Variants in XKR4 observed in about 807,000 individuals in gnomAD.
XKR4 encodes XK-related protein 4.
A neutral mutation model predicts 53.9 loss-of-function variants in XKR4; 12 were observed. The ratio of observed to expected loss-of-function variants is 0.22; its 90% CI spans 0.14 to 0.36. XKR4 has a LOEUF of 0.36. XKR4 is among the 10% of genes least tolerant of loss of function. XKR4 has a pLI of 1.00. For synonymous variants in XKR4, 354 were observed against 362.4 expected, an observed-to-expected ratio of 0.98 and a Z score of 0.26; for missense variants, 799 against 859.5, an observed-to-expected ratio of 0.93 and a Z score of 0.88.
chr8:55,453,088 A>G (rs1805481220), intron 2 of XKR4: 10 of 564,112 alleles, frequency 1.8e-5, no homozygotes, highest in South Asian at 1.5e-4. Context: ...GGTGGGCTCC[A>G]GGTAAAGGAC....
At chr8:55,139,401 G>A (rs993243887) in intron 1 of XKR4, among the ~76,000 whole-genome samples, 1 of 151,744 alleles carries the variant, frequency 6.6e-6, no homozygotes, top group African/African-American at 2.4e-5. Context: ...GGATGCGGTG[G>A]CGGCAGGCCC....
intron 2 of XKR4, chr8:55,455,203 G>C: frequency 2.2e-6 from 1 of 450,026 alleles, no homozygotes; most frequent in Non-Finnish European, 4.2e-6. Flanking sequence ...CATGGCCCGG[G>C]CCTGGCCCTG....
chr8:55,445,321 T>C (rs989886440), intron 2 of XKR4, among the ~76,000 whole-genome samples: 29 of 152,188 alleles, frequency 1.9e-4, no homozygotes, highest in African/African-American at 6.5e-4. Flanking sequence ...CCTCCCAAAG[T>C]GCTGGGATTA....
At chr8:55,490,973 G>A (rs927179338) in intron 2 of XKR4, among the ~76,000 whole-genome samples, 2 of 150,564 alleles carry the variant, frequency 1.3e-5, no homozygotes, top group Non-Finnish European at 3.0e-5. Context: ...ACAAGTGATA[G>A]ACAGTTTGCT....
intron 2 of XKR4, among the ~76,000 whole-genome samples, chr8:55,461,225 A>G (rs1324458101): frequency 6.6e-6 from 1 of 152,218 alleles, no homozygotes; most frequent in African/African-American, 2.4e-5. Context: ...GGCACCCCCC[A>G]GTAGGGGCGG....
intron 1 of XKR4, among the ~76,000 whole-genome samples, chr8:55,212,765 T>C (rs1159999839): frequency 6.6e-6 from 1 of 152,228 alleles, no homozygotes; most frequent in Non-Finnish European, 1.5e-5. Context: ...AGCAAAACTC[T>C]GCAAAGGATG....
chr8:55,249,465 G>A (rs1818336016), intron 1 of XKR4, among the ~76,000 whole-genome samples: 1 of 152,126 alleles, frequency 6.6e-6, no homozygotes, highest in Admixed American at 6.5e-5. Context: ...TCTCATGATC[G>A]ACCCTGTCCA....
intron 2 of XKR4, among the ~76,000 whole-genome samples, chr8:55,491,567 C>T (rs1806272451): frequency 6.6e-6 from 1 of 152,102 alleles, no homozygotes; most frequent in South Asian, 2.1e-4. Context: ...AAGACATAGC[C>T]TTCTGGGGTC....
At chr8:55,485,526 G>A (rs111277990) in intron 2 of XKR4, among the ~76,000 whole-genome samples, 3 of 152,084 alleles carry the variant, frequency 2.0e-5, no homozygotes, top group Non-Finnish European at 4.4e-5. Context: ...CAGAAACAAA[G>A]GAAATACTTA....
chr8:55,110,367 CT>C (rs750017621), intron 1 of XKR4, among the ~76,000 whole-genome samples: 49 of 152,144 alleles, frequency 3.2e-4, no homozygotes, highest in Non-Finnish European at 5.3e-4. Flanking sequence ...ATGGCAAGTT[CT>C]CATGAAGTTA....
chr8:55,515,639 C>CTTTTAGATCAGAA (rs1330268023), intron 2 of XKR4, among the ~76,000 whole-genome samples: 1 of 152,208 alleles, frequency 6.6e-6, no homozygotes, highest in African/African-American at 2.4e-5. Context: ...TAGGAGGCCT[C>CTTTTAGATCAGAA]TTTTAGATCA....
At chr8:55,366,735 A>C (rs868728491) in intron 2 of XKR4, among the ~76,000 whole-genome samples, 38 of 152,224 alleles carry the variant, frequency 2.5e-4, no homozygotes, top group African/African-American at 8.7e-4. Flanking sequence ...GCTGGCTCCC[A>C]GCTAAAGTCC....
At chr8:55,284,727 C>T (rs1232895632) in intron 1 of XKR4, among the ~76,000 whole-genome samples, 1 of 152,196 alleles carries the variant, frequency 6.6e-6, no homozygotes, top group South Asian at 2.1e-4. Flanking sequence ...CCTCCCACCA[C>T]ATTCCATTCA....
chr8:55,248,527 C>T (rs905505662), intron 1 of XKR4, among the ~76,000 whole-genome samples: 1 of 152,192 alleles, frequency 6.6e-6, no homozygotes, highest in African/African-American at 2.4e-5. Flanking sequence ...CAAAACAATA[C>T]GTAACACTAG....
intron 1 of XKR4, among the ~76,000 whole-genome samples, chr8:55,321,769 T>A (rs1455828202): frequency 2.0e-5 from 3 of 152,130 alleles, no homozygotes; most frequent in Non-Finnish European, 4.4e-5. Context: ...GGCAGGTGGA[T>A]CATGAGGTCA....
chr8:55,522,199 A>T (rs1291572190), intron 2 of XKR4, among the ~76,000 whole-genome samples: 1 of 152,224 alleles, frequency 6.6e-6, no homozygotes, highest in Non-Finnish European at 1.5e-5. Flanking sequence ...AGAGGAAAAC[A>T]ATACAAATGA....
In XKR4 at chr8:55,313,907, A is replaced by T. The variant is rs532334787; in HGVS notation, c.807-43771A>T. Among the ~76,000 whole-genome samples the T allele has an allele frequency of 4.6e-5, 7 of 152,288 alleles. No homozygotes were observed. The East Asian group carries it at 9.7e-4, about 21-fold the overall frequency. On this transcript the variant is annotated intron_variant, in intron 1 of 2. Coordinates refer to ENST00000327381, the MANE Select transcript of XKR4 (RefSeq NM_052898.2). ...TTCTGCAGAGTTATGAGTGTTTCTG[A>T]CCTAGTCATTTAAACCCTGGACACC...
intron 1 of XKR4, among the ~76,000 whole-genome samples, chr8:55,291,613 G>A (rs1263795489): frequency 6.6e-6 from 1 of 152,122 alleles, no homozygotes; most frequent in Non-Finnish European, 1.5e-5. Flanking sequence ...ATTGATTTGA[G>A]TGACTGTAAG....
intron 1 of XKR4, among the ~76,000 whole-genome samples, chr8:55,230,905 G>A (rs1159840307): frequency 1.3e-5 from 2 of 151,922 alleles, no homozygotes; most frequent in Non-Finnish European, 2.9e-5. Context: ...AAGCACTCAC[G>A]GTCCTTTCAT....
Sources: gnomAD v4.1 joint callset for allele counts (sites outside exome capture counted in the v4.1 genomes callset) on GRCh38, gnomAD v4.1.1 for gene constraint, MANE v1.5 for transcripts, NCBI Gene and HGNC (gene_info 2026-07-23, HGNC 2026-07-21) for gene names.